The following FAM120C variants were observed in gnomAD, a reference collection of about 807,000 sequenced individuals.
FAM120C encodes the protein family with sequence similarity 120 member C, also known as constitutive coactivator of PPAR-gamma-like protein 2.
A neutral mutation model predicts 71.2 loss-of-function variants in FAM120C; 14 were observed. That is an observed-to-expected ratio of 0.20 (90% CI 0.13 to 0.31). FAM120C has a LOEUF of 0.31. Among genes scored for constraint, FAM120C ranks in the 10% least tolerant of loss-of-function variants. The pLI is 1.00. For missense variants in FAM120C, 500 were observed against 879.0 expected, an observed-to-expected ratio of 0.57 and a Z score of 5.45; for synonymous variants, 354 against 353.2, an observed-to-expected ratio of 1.00 and a Z score of -0.03.
chrX:54,116,396 T>G, intron 10 of FAM120C, 149 bp downstream of exon 10: 2 of 593,291 alleles, frequency 3.4e-6, no homozygotes, highest in Non-Finnish European at 5.2e-6. Context: ...GGAGGCTGTC[T>G]GAACAATCAT....
chrX:54,165,294 G>T (rs1034021951), intron 1 of FAM120C, among the ~76,000 whole-genome samples: 16 of 111,343 alleles, frequency 1.4e-4, no homozygotes, highest in African/African-American at 5.2e-4. Context: ...TCGTTGATAT[G>T]GCTTCTAAGG....
chrX:54,172,263 T>C (rs1858693811), intron 1 of FAM120C, among the ~76,000 whole-genome samples: 1 of 112,207 alleles, frequency 8.9e-6, no homozygotes, highest in African/African-American at 3.2e-5. Context: ...TTCAGCATCT[T>C]GAGTATCATG....
chrX:54,087,786 C>T lies in FAM120C; in HGVS notation c.2606G>A (p.Arg869Gln), dbSNP rs1167864720. 2.5e-6 allele frequency: 3 copies of T among 1,208,997 alleles called. No homozygotes were observed. The highest frequency in any genetic ancestry group is 1.8e-5 in the African/African-American group (1 of 56,954). The change falls in exon 12 of 16, where the codon CGA (arginine) becomes CAA (glutamine). Residue 869 changes from arginine to glutamine, a missense_variant. By Grantham distance (43) the Arg-to-Gln change is conservative (BLOSUM62 1). Around this residue, in one of 11 missense-constraint regions of FAM120C, gnomAD observed 104 missense variants for 254.5 expected, o/e 0.41. Coordinates refer to ENST00000375180, the MANE Select transcript of FAM120C (RefSeq NM_017848.6). ...ATCACAGAGCTCAACCAGAGATACTCGCTCTCGGCCTGCTTTAATTAGCTT... is the reference window on the plus strand; with the variant it reads ...ATCACAGAGCTCAACCAGAGATACTTGCTCTCGGCCTGCTTTAATTAGCTT... Reference protein sequence around the residue: ...QSKLIKAGRERVSLVELCDGQ... With the variant: ...QSKLIKAGREQVSLVELCDGQ...
intron 10 of FAM120C, among the ~76,000 whole-genome samples, chrX:54,097,683 T>A (rs2074865871): frequency 9.0e-6 from 1 of 111,721 alleles, no homozygotes; most frequent in Admixed American, 9.6e-5. Context: ...CTTCTCCTTT[T>A]TATATCTTCT....
intron 1 of FAM120C, chrX:54,174,122 G>C (rs1557136343): frequency 1.9e-6 from 1 of 513,725 alleles, no homozygotes; most frequent in East Asian, 3.6e-5. Flanking sequence ...CCTCTCCATA[G>C]GGCAGCTCAC....
At chrX:54,172,248 T>C (rs949940805) in intron 1 of FAM120C, among the ~76,000 whole-genome samples, 1 of 112,340 alleles carries the variant, frequency 8.9e-6, no homozygotes, top group Non-Finnish European at 1.9e-5. Flanking sequence ...TGCCAAATCA[T>C]TTTTTTCAGC....
At chrX:54,105,775 C>G (rs1478969866) in intron 10 of FAM120C, among the ~76,000 whole-genome samples, 2 of 111,044 alleles carry the variant, frequency 1.8e-5, no homozygotes, top group Non-Finnish European at 3.8e-5. Context: ...AACAGACAAA[C>G]AGAGCCAAAT....
intron 13 of FAM120C, among the ~76,000 whole-genome samples, chrX:54,084,453 C>T (rs782611970): frequency 8.9e-6 from 1 of 112,149 alleles, no homozygotes; most frequent in Admixed American, 9.5e-5. Context: ...CAATAGATAA[C>T]AAACACCTTC....
intron 9 of FAM120C, 147 bp downstream of exon 9, chrX:54,132,545 A>C: frequency 2.3e-6 from 1 of 435,260 alleles, no homozygotes; most frequent in Non-Finnish European, 3.9e-6. Context: ...GGCTTAAGTT[A>C]ATGTATTCCC....
At chrX:54,083,552 T>C (rs1261596357) in intron 13 of FAM120C, among the ~76,000 whole-genome samples, 1 of 108,813 alleles carries the variant, frequency 9.2e-6, no homozygotes, top group Non-Finnish European at 1.9e-5. Flanking sequence ...AGCGAATCAC[T>C]TGAGCCCAGG....
intron 14 of FAM120C, 54 bp downstream of exon 14, chrX:54,081,246 ACCTAGGCATTTTTCCAAGGAGG>A (rs1336300289): frequency 1.8e-5 from 18 of 1,014,267 alleles, no homozygotes; most frequent in East Asian, 6.3e-5. Context: ...AGGATTTAAT[ACCTAGGCATTTTTCCAAGGAGG>A]CCTAGGCATT....
chrX:54,135,534 C>T lies in FAM120C; in HGVS notation c.1329G>A (p.Lys443=), dbSNP rs369016367. 43 of 1,207,287 alleles carry T rather than the reference C, an allele frequency of 3.6e-5. No individual in the cohort carries two copies. The highest frequency in any genetic ancestry group is 4.5e-5 in the Non-Finnish European group (40 of 893,645). Residue 443 remains lysine, a synonymous_variant, in exon 6 of 16, where the codon AAG becomes AAA. Coordinates refer to ENST00000375180, the MANE Select transcript of FAM120C (RefSeq NM_017848.6). The part of the protein sequence containing the change: ...RNQVGTISAG[K]PMFSHQVPQK... ...CTTCTTAAAGGATGCTTACCATTGG[C>T]TTTCCAGCAGAAATGGTGCCCACTT... is the stretch of plus-strand genomic sequence containing the variant.
At chrX:54,112,710 G>A (rs1557125920) in intron 10 of FAM120C, among the ~76,000 whole-genome samples, 2 of 109,146 alleles carry the variant, frequency 1.8e-5, no homozygotes, top group African/African-American at 6.7e-5. Context: ...GCATGGTGGC[G>A]GGCGCCTGTA....
intron 10 of FAM120C, among the ~76,000 whole-genome samples, chrX:54,093,699 T>C (rs2146568059): frequency 9.0e-6 from 1 of 111,269 alleles, no homozygotes; most frequent in East Asian, 2.8e-4. Flanking sequence ...GTCAGAGGAG[T>C]GAGAGGCTCA....
At chrX:54,105,344 A>G (rs782711942) in intron 10 of FAM120C, among the ~76,000 whole-genome samples, 37 of 111,746 alleles carry the variant, frequency 3.3e-4, no homozygotes, top group East Asian at 1.1e-3. Context: ...AAAGGCCTTC[A>G]ACAAAATTCA....
At chrX:54,090,004 G>A (rs782324817) in intron 11 of FAM120C, among the ~76,000 whole-genome samples, 1 of 110,109 alleles carries the variant, frequency 9.1e-6, no homozygotes, top group African/African-American at 3.3e-5. Flanking sequence ...GTTTTACATG[G>A]ATTACTTTAC....
intron 13 of FAM120C, among the ~76,000 whole-genome samples, chrX:54,083,478 C>CACACACACACACACACACACACA (rs782758591): frequency 2.0e-5 from 2 of 101,753 alleles, no homozygotes; most frequent in African/African-American, 7.8e-5. Context: ...CACACACACA[C>CACACACACACACACACACACACA]CAAAATATTA....
In FAM120C at chrX:54,133,980, C is replaced by T; in HGVS notation, c.1683G>A (p.Trp561Ter). Residue 561 changes from tryptophan to a stop codon, truncating the protein, a stop_gained, in exon 8 of 16, where the codon TGG becomes TGA. Transcript: ENST00000375180. LOFTEE classifies it high-confidence loss of function. ...AAACTCCAGTATCAACAGGCTGTGC[C>T]CAGGACCCTCTGTCACGATTGGGAT... is the stretch of plus-strand genomic sequence containing the variant. ...WGNPNRDRGS[W>*]AQPVDTGVSE... The T allele has an allele frequency of 8.3e-7, 1 of 1,211,403 alleles. No homozygotes were observed.
rs782293374 is a variant in FAM120C, at chrX:54,182,854, C to T, written c.345G>A (p.Gly115=). Residue 115 remains glycine (G), a synonymous_variant, in exon 1 of 16, where the codon GGG becomes GGA. Coordinates refer to ENST00000375180, the MANE Select transcript of FAM120C (RefSeq NM_017848.6). ...LPPPPPPQLP[G]ARVLVDAGSA... ...AGCCGGCGTCCACCAGCACCCGGGC[C>T]CCGGGCAGCTGAGGGGGCGGCGGCG... 1.6e-5 allele frequency: 19 copies of T among 1,160,417 alleles called. No homozygotes were observed. Among genetic ancestry groups the T allele is most frequent in the Non-Finnish European group, 2.1e-5 (18 of 872,039 alleles).
Sources: allele counts gnomAD v4.1 joint callset (sites outside exome capture counted in the v4.1 genomes callset), GRCh38; gene constraint gnomAD v4.1.1; regional missense constraint gnomAD v4.1.1; transcripts MANE v1.5; gene names NCBI Gene and HGNC (gene_info 2026-07-23, HGNC 2026-07-21).